CCDC93: variants seen among roughly 807,000 people sequenced by gnomAD.
The protein encoded by CCDC93 is coiled-coil domain-containing protein 93.
CCDC93 carries 61 observed loss-of-function variants against 108.2 expected under a neutral mutation model. That is an observed-to-expected ratio of 0.56 (90% CI 0.46 to 0.70). The LOEUF (loss-of-function observed/expected upper bound fraction) is 0.70, where lower values mean the gene tolerates loss of function less well. CCDC93 is among the 30% of genes least tolerant of loss of function. CCDC93 has a pLI of 0.00. For missense variants in CCDC93, 685 were observed against 764.2 expected (o/e 0.90, Z 1.22); for synonymous variants, 276 against 260.4 (o/e 1.06, Z -0.58).
intron 13 of CCDC93, chr2:117,951,706 G>C: frequency 4.0e-6 from 4 of 999,364 alleles, no homozygotes; most frequent in Non-Finnish European, 3.6e-6. Flanking sequence ...AGTTCTCTGT[G>C]GAAACCAAGG....
intron 22 of CCDC93, among the ~76,000 whole-genome samples, chr2:117,932,375 G>A (rs1678368884): frequency 6.6e-6 from 1 of 152,170 alleles, no homozygotes; most frequent in Non-Finnish European, 1.5e-5. Flanking sequence ...ATTTTATTCA[G>A]TAGTTCCCTC....
intron 23 of CCDC93, among the ~76,000 whole-genome samples, chr2:117,922,372 A>G (rs138458188): frequency 5.2e-4 from 79 of 152,302 alleles, no homozygotes; most frequent in African/African-American, 1.8e-3. Context: ...AAAATGTCTC[A>G]TCACCTCAGT....
At chr2:117,965,727 C>T (rs569717155) in intron 11 of CCDC93, among the ~76,000 whole-genome samples, 7 of 152,130 alleles carry the variant, frequency 4.6e-5, no homozygotes, top group South Asian at 4.1e-4. Context: ...CCCTCAGGGC[C>T]GCAACCCTGA....
intron 5 of CCDC93, chr2:117,995,769 C>T: frequency 3.0e-6 from 1 of 328,584 alleles, no homozygotes; most frequent in South Asian, 4.7e-5. Flanking sequence ...ATTTCAAATC[C>T]TCTTAAGCAC....
rs1420580396 is a variant in CCDC93 at position 117,948,192 on chromosome 2, G to T, written c.1143-6C>A. 3 of 1,605,856 alleles carry T rather than the reference G, an allele frequency of 1.9e-6. No individual in the cohort carries two copies. In the South Asian group the frequency reaches 3.3e-5, roughly 18 times the overall value. On this transcript the variant is annotated splice_region_variant and splice_polypyrimidine_tract_variant and intron_variant, in intron 14 of 23. Transcript: ENST00000376300. ...CTCTCAGGTTCTGTAGGATACTGAAGAGAAAAGACAAAAAAATGACATATG... is the reference window on the plus strand; with the variant it reads ...CTCTCAGGTTCTGTAGGATACTGAATAGAAAAGACAAAAAAATGACATATG...
At chr2:118,009,956 G>A (rs1485909170) in intron 1 of CCDC93, among the ~76,000 whole-genome samples, 1 of 151,344 alleles carries the variant, frequency 6.6e-6, no homozygotes, top group Admixed American at 6.6e-5. Flanking sequence ...ACAGAGTCTC[G>A]CTCTGTCACC....
intron 12 of CCDC93, 53 bp from the exon 13 acceptor site, chr2:117,952,488 C>T (rs1048636784): frequency 8.0e-7 from 1 of 1,255,538 alleles, no homozygotes; most frequent in African/African-American, 1.5e-5. Context: ...TATGACAACA[C>T]AGATGTGAAT....
intron 22 of CCDC93, chr2:117,934,041 A>T (rs1307517825): frequency 6.6e-6 from 1 of 152,386 alleles, no homozygotes; most frequent in East Asian, 1.9e-4. Context: ...GGCCAAGAGC[A>T]CGAAGCCTCC....
intron 13 of CCDC93, chr2:117,950,721 CA>C: frequency 1.0e-6 from 1 of 985,410 alleles, no homozygotes; most frequent in Non-Finnish European, 1.2e-6. Flanking sequence ...ACAGGCTGAC[CA>C]AATCAAGCTT....
intron 11 of CCDC93, among the ~76,000 whole-genome samples, chr2:117,968,248 T>C (rs1679652398): frequency 6.6e-6 from 1 of 152,218 alleles, no homozygotes; most frequent in African/African-American, 2.4e-5. Flanking sequence ...TTTTCTTTCT[T>C]CTGGCTCCTA....
At chr2:117,961,901 A>G (rs1310252303) in intron 11 of CCDC93, among the ~76,000 whole-genome samples, 1 of 152,228 alleles carries the variant, frequency 6.6e-6, no homozygotes, top group African/African-American at 2.4e-5. Flanking sequence ...TTGTGTTTAC[A>G]TTGCAGTGAG....
At chr2:118,002,867 T>C (rs1370902940) in intron 3 of CCDC93, among the ~76,000 whole-genome samples, 1 of 152,284 alleles carries the variant, frequency 6.6e-6, no homozygotes, top group East Asian at 1.9e-4. Context: ...TAAGACCTTG[T>C]CTGCATAAAA....
intron 11 of CCDC93, among the ~76,000 whole-genome samples, chr2:117,963,802 T>G (rs1679468508): frequency 6.6e-6 from 1 of 152,166 alleles, no homozygotes; most frequent in Non-Finnish European, 1.5e-5. Context: ...ATTCAACAGT[T>G]TTTTCATTTT....
At chr2:117,921,126 G>A (rs569365751) in intron 23 of CCDC93, among the ~76,000 whole-genome samples, 3 of 148,650 alleles carry the variant, frequency 2.0e-5, no homozygotes, top group East Asian at 2.0e-4. Flanking sequence ...GCAGTGAGCC[G>A]AGATTGTGCC....
chr2:117,996,307 G>C lies in CCDC93; in HGVS notation c.419C>G (p.Ser140Cys). The change falls in exon 5 of 24, where the codon TCC becomes TGC. Residue 140 changes from serine to cysteine, a missense_variant. Physicochemically the swap from Ser to Cys is moderately radical, Grantham distance 112. Transcript: ENST00000376300. ...TKEEMGDYIR[S>C]YSVSQFQKTY... ...CTTCTGGAACTGGGATACAGAGTAG[G>C]AGCGGATATAGTCACCCATCTCTTC... 6.2e-7 allele frequency: 1 copy of C among 1,613,728 alleles called. No individual in the cohort carries two copies.
intron 5 of CCDC93, chr2:117,995,751 G>A (rs1007205783): frequency 7.9e-6 from 3 of 379,350 alleles, no homozygotes; most frequent in Admixed American, 8.6e-5. Flanking sequence ...CTTAAGACGA[G>A]AGTTCTCATT....
intron 8 of CCDC93, among the ~76,000 whole-genome samples, chr2:117,976,155 C>T (rs1679937495): frequency 6.6e-6 from 1 of 152,148 alleles, no homozygotes; most frequent in Non-Finnish European, 1.5e-5. Flanking sequence ...TGGGAACACT[C>T]CGAGCTCCTA....
chr2:117,988,705 T>C (rs931036220), intron 6 of CCDC93, among the ~76,000 whole-genome samples: 1 of 152,194 alleles, frequency 6.6e-6, no homozygotes, highest in Non-Finnish European at 1.5e-5. Context: ...ATGGGACAAA[T>C]AAGTGCTTCT....
chr2:117,997,957 A>G (rs1202805784), intron 4 of CCDC93: 1 of 152,248 alleles, frequency 6.6e-6, no homozygotes, highest in African/African-American at 2.4e-5. Flanking sequence ...TGGATCCTGG[A>G]GAGCATGATC....
Sources: gnomAD v4.1 joint callset for allele counts (sites outside exome capture counted in the v4.1 genomes callset) on GRCh38, gnomAD v4.1.1 for gene constraint, MANE v1.5 for transcripts, NCBI Gene and HGNC (gene_info 2026-07-23, HGNC 2026-07-21) for gene names.